The following ADCY9 variants were observed in gnomAD, a reference collection of about 807,000 sequenced individuals.
ADCY9 encodes the protein adenylate cyclase 9.
A neutral mutation model predicts 101.5 loss-of-function variants in ADCY9; 50 were observed. That is an observed-to-expected ratio of 0.49 (90% CI 0.39 to 0.62). The LOEUF is 0.62. Among genes scored for constraint, ADCY9 ranks in the 20% least tolerant of loss-of-function variants. The pLI, the probability that ADCY9 is intolerant of heterozygous loss-of-function variation, is 0.00. For missense variants in ADCY9, 1,662 were observed against 1,800.4 expected, an observed-to-expected ratio of 0.92 and a Z score of 1.39; for synonymous variants, 905 against 769.3, an observed-to-expected ratio of 1.18 and a Z score of -2.92.
At chr16:4,011,496 A>G (rs2056404130) in intron 2 of ADCY9, among the ~76,000 whole-genome samples, 1 of 152,206 alleles carries the variant, frequency 6.6e-6, no homozygotes, top group Non-Finnish European at 1.5e-5. Flanking sequence ...GAGTCAGGAA[A>G]TAACAGTGGA....
chr16:3,998,251 A>G (rs1310891797), intron 3 of ADCY9, among the ~76,000 whole-genome samples: 3 of 152,010 alleles, frequency 2.0e-5, no homozygotes, highest in Non-Finnish European at 4.4e-5. Flanking sequence ...GCTTTTTAAA[A>G]ATTTTAGAAA....
At chr16:4,068,600 G>A (rs1567135857) in intron 2 of ADCY9, among the ~76,000 whole-genome samples, 1 of 152,020 alleles carries the variant, frequency 6.6e-6, no homozygotes, top group Non-Finnish European at 1.5e-5. Context: ...GGATCATGAG[G>A]TCAGGAGATC....
intron 2 of ADCY9, among the ~76,000 whole-genome samples, chr16:4,039,713 C>T (rs2056614225): frequency 6.7e-6 from 1 of 148,848 alleles, no homozygotes; most frequent in South Asian, 2.1e-4. Flanking sequence ...CAGGATTGCA[C>T]CCTTGAAAGT....
chr16:4,033,976 C>T (rs1447633516), intron 2 of ADCY9, among the ~76,000 whole-genome samples: 1 of 152,198 alleles, frequency 6.6e-6, no homozygotes, highest in Non-Finnish European at 1.5e-5. Flanking sequence ...ATTTGCTCAA[C>T]AATTGCCTGA....
intron 7 of ADCY9, among the ~76,000 whole-genome samples, chr16:3,980,941 T>C (rs1399119508): frequency 2.0e-5 from 3 of 152,138 alleles, no homozygotes; most frequent in South Asian, 2.1e-4. Context: ...GGAAGCCTCC[T>C]GGAGGCAACG....
intron 2 of ADCY9, among the ~76,000 whole-genome samples, chr16:4,097,528 C>CATATATATATATATAT (rs1166805300): frequency 1.5e-5 from 1 of 64,546 alleles, no homozygotes; most frequent in African/African-American, 8.7e-5. Flanking sequence ...TACATATGTA[C>CATATATATATATATAT]ATATATATAT....
rs540014260 is a variant in ADCY9, at chr16:4,067,983, AT to A, written c.1693+45766del. The stretch of plus-strand genomic sequence containing the variant: ...GGTTAAGGGAAAAACCGTGGCAATA[AT>A]TTTTTTTTTCCTCTTTCACTTTTGG... On this transcript the variant is annotated intron_variant, in intron 2 of 10. Coordinates refer to ENST00000294016, the MANE Select transcript of ADCY9 (RefSeq NM_001116.4). Among the ~76,000 whole-genome samples, 251 of 150,732 alleles carry A rather than the reference AT, an allele frequency of 1.7e-3. 1 individual carries two copies. Among genetic ancestry groups the A allele is most frequent in the African/African-American group, 5.7e-3 (233 of 41,150 alleles).
intron 5 of ADCY9, among the ~76,000 whole-genome samples, chr16:3,954,761 AG>A (rs1409645496): frequency 6.6e-6 from 1 of 152,148 alleles, no homozygotes; most frequent in Non-Finnish European, 1.5e-5. Context: ...CTCTTGGCAG[AG>A]CCATCCACAG....
At chr16:3,969,569 A>T (rs1597134008) in intron 10 of ADCY9, among the ~76,000 whole-genome samples, 1 of 45,240 alleles carries the variant, frequency 2.2e-5, no homozygotes, top group African/African-American at 6.6e-5. Context: ...GTTTGTTTGA[A>T]ATATATATAT....
At chr16:4,083,129 T>C (rs1164975499) in intron 2 of ADCY9, among the ~76,000 whole-genome samples, 2 of 152,250 alleles carry the variant, frequency 1.3e-5, no homozygotes, top group African/African-American at 4.8e-5. Context: ...GCCATACTTC[T>C]TGTTACATGA....
In ADCY9 at chr16:4,057,038, G is replaced by GCCCCCC. The variant is rs375745334; in HGVS notation, c.1694-49486_1694-49481dup. On this transcript the variant is annotated intron_variant, in intron 2 of 10. Coordinates refer to ENST00000294016, the MANE Select transcript of ADCY9 (RefSeq NM_001116.4). ...TCAGGTAACCTGTACTGATGAAACC[G>GCCCCCC]CCCCCCCCCCCCCCGCCAATCTTAC... Among the ~76,000 whole-genome samples, 74 of 83,510 alleles carry GCCCCCC rather than the reference G, an allele frequency of 8.9e-4. 1 individual carries two copies. The highest frequency in any genetic ancestry group is 1.3e-3 in the East Asian group (3 of 2,364). The allele number at this position is 83,510 out of a possible 152,430, so 54.8% of individuals were successfully genotyped here. A position where few individuals can be genotyped will look rare whatever the true frequency, so the allele number is the denominator to read the frequency against.
At chr16:4,074,085 T>C (rs550624997) in intron 2 of ADCY9, among the ~76,000 whole-genome samples, 1 of 152,144 alleles carries the variant, frequency 6.6e-6, no homozygotes, top group Non-Finnish European at 1.5e-5. Flanking sequence ...ATTTCCATCA[T>C]TGCAGGAAGT....
At chr16:4,090,707 ATT>A (rs935005002) in intron 2 of ADCY9, among the ~76,000 whole-genome samples, 1 of 144,708 alleles carries the variant, frequency 6.9e-6, no homozygotes. Context: ...AGTTGTTGAG[ATT>A]TTTTTTTTTT....
At chr16:4,027,460 G>A (rs2386824) in intron 2 of ADCY9, among the ~76,000 whole-genome samples, 12,425 of 152,218 alleles carry the variant, frequency 0.082, 757 homozygotes, top group African/African-American at 0.17. Flanking sequence ...GGTTTAACTG[G>A]CTTGCAGTTC....
At chr16:4,075,015 A>C (rs2056858194) in intron 2 of ADCY9, among the ~76,000 whole-genome samples, 1 of 152,092 alleles carries the variant, frequency 6.6e-6, no homozygotes, top group African/African-American at 2.4e-5. Context: ...GTCTCCACAA[A>C]AAAATAGAAA....
chr16:4,057,711 T>C (rs879470523), intron 2 of ADCY9, among the ~76,000 whole-genome samples: 20 of 152,224 alleles, frequency 1.3e-4, no homozygotes, highest in Non-Finnish European at 1.9e-4. Context: ...TTGTTCATTC[T>C]GAATAAGGAT....
intron 2 of ADCY9, among the ~76,000 whole-genome samples, chr16:4,089,993 C>T (rs1490344512): frequency 1.3e-5 from 2 of 152,090 alleles, no homozygotes; most frequent in African/African-American, 2.4e-5. Context: ...CTTGCTGGGA[C>T]TCCGTGGGCC....
At chr16:4,088,116 G>C (rs2056951592) in intron 2 of ADCY9, among the ~76,000 whole-genome samples, 1 of 151,730 alleles carries the variant, frequency 6.6e-6, no homozygotes, top group Non-Finnish European at 1.5e-5. Context: ...TGATCTCATG[G>C]AGGAACTGCC....
chr16:4,110,807 C>T (rs985619989), intron 2 of ADCY9, among the ~76,000 whole-genome samples: 9 of 152,200 alleles, frequency 5.9e-5, no homozygotes, highest in Non-Finnish European at 1.3e-4. Context: ...GAGGCAGTAA[C>T]TCCGGGTGTG....
Sources: allele counts gnomAD v4.1 joint callset (sites outside exome capture counted in the v4.1 genomes callset), GRCh38; gene constraint gnomAD v4.1.1; transcripts MANE v1.5; gene names NCBI Gene and HGNC (gene_info 2026-07-23, HGNC 2026-07-21).